Variants in CNKSR1 observed in about 807,000 individuals in gnomAD.
CNKSR1 encodes the protein CNK homolog protein 1.
CNKSR1 carries 88 observed loss-of-function variants against 95.6 expected under a neutral mutation model. The observed-to-expected ratio is 0.92, with a 90% CI of 0.78 to 1.10. The LOEUF (loss-of-function observed/expected upper bound fraction) is 1.10. CNKSR1 is among the 50% of genes least tolerant of loss of function. The pLI, the probability that CNKSR1 is intolerant of heterozygous loss-of-function variation, is 0.00. For synonymous variants in CNKSR1, 355 were observed against 369.7 expected, an observed-to-expected ratio of 0.96 and a Z score of 0.46; for missense variants, 836 against 912.0, an observed-to-expected ratio of 0.92 and a Z score of 1.07.
rs1318483634 is a variant in CNKSR1, at chr1:26,180,590, G to A, written c.190G>A (p.Val64Met). 4 of 1,614,222 alleles carry A rather than the reference G, an allele frequency of 2.5e-6. No individual in the cohort carries two copies. The highest frequency in any genetic ancestry group is 3.4e-6 in the Non-Finnish European group (4 of 1,180,034). ...LGHQELILGG[V>M]EQLQALSSRL... is the part of the protein sequence containing the mutation. ...ACACCAGGAGCTCATCCTGGGCGGG[G>A]TGGAACAGCTCCAGGCCCTGGTGAG... Residue 64 changes from valine to methionine, a missense_variant, in exon 2 of 21, where the codon GTG becomes ATG. Physicochemically the swap from Val to Met is conservative, Grantham distance 21. Coordinates refer to ENST00000361530, the MANE Select transcript of CNKSR1 (RefSeq NM_006314.3).
At chr1:26,183,172 G>A in intron 6 of CNKSR1, 25 bp from the exon 7 acceptor site, 1 of 1,613,570 alleles carries the variant, frequency 6.2e-7, no homozygotes, top group African/African-American at 1.3e-5. Flanking sequence ...CCAGCCCCCG[G>A]TGACTATAGC....
intron 14 of CNKSR1, among the ~76,000 whole-genome samples, chr1:26,186,550 T>C (rs2088754602): frequency 6.6e-6 from 1 of 152,268 alleles, no homozygotes; most frequent in East Asian, 1.9e-4. Flanking sequence ...TCGCAGCTCA[T>C]GGCAACCTTT....
intron 13 of CNKSR1, 118 bp from the exon 14 acceptor site, chr1:26,184,896 C>T: frequency 9.2e-7 from 1 of 1,089,856 alleles, no homozygotes; most frequent in South Asian, 1.5e-5. Context: ...ATGTAGCATT[C>T]TGAGCAGAGT....
At chr1:26,184,739 G>A in intron 13 of CNKSR1, 127 bp downstream of exon 13, 2 of 1,192,372 alleles carry the variant, frequency 1.7e-6, no homozygotes, top group African/African-American at 3.0e-5. Flanking sequence ...CTGTTTCTAG[G>A]GTCAGACAGA....
chr1:26,185,549 C>T (rs533164713), intron 14 of CNKSR1, among the ~76,000 whole-genome samples: 7 of 152,068 alleles, frequency 4.6e-5, no homozygotes, highest in South Asian at 2.1e-4. Context: ...CCCGCCACAA[C>T]GCCCAGCATA....
At chr1:26,184,708 C>G in intron 13 of CNKSR1, 96 bp downstream of exon 13, 2 of 1,391,058 alleles carry the variant, frequency 1.4e-6, no homozygotes, top group East Asian at 2.5e-5. Context: ...CCTTCCCACA[C>G]AGCCTCTCCT....
At position 26,183,431 on chromosome 1, in the gene CNKSR1, A is replaced by C; in HGVS notation, c.753+17A>C. Reference sequence around the variant, plus strand: ...CAGGTGGTGGTGCGTGAGGAGAGGGACATGGTAGGAGGTGAAGGGGTCACC... The same window carrying C: ...CAGGTGGTGGTGCGTGAGGAGAGGGCCATGGTAGGAGGTGAAGGGGTCACC... On this transcript the variant is annotated intron_variant, in intron 8 of 20. Coordinates refer to ENST00000361530, the MANE Select transcript of CNKSR1 (RefSeq NM_006314.3). 1 of 1,613,632 alleles carries C rather than the reference A, an allele frequency of 6.2e-7. No individual in the cohort carries two copies. Among genetic ancestry groups the C allele is most frequent in the African/African-American group, 1.3e-5 (1 of 74,988 alleles).
chr1:26,180,569 C>G lies in CNKSR1; in HGVS notation c.169C>G (p.Gln57Glu). 1 of 1,614,208 alleles carries G rather than the reference C, an allele frequency of 6.2e-7. No homozygotes were observed. Among genetic ancestry groups the G allele is most frequent in the East Asian group, 2.2e-5 (1 of 44,892 alleles). Residue 57 changes from glutamine (Q) to glutamate (E), a missense_variant, in exon 2 of 21, where the codon CAG becomes GAG. By Grantham distance (29) the Gln-to-Glu change is conservative. Transcript: ENST00000361530. ...EALAVRSLGH[Q>E]ELILGGVEQL... is the part of the protein sequence containing the mutation. ...TCTGGCTGTGCGGTCTCTGGGACACCAGGAGCTCATCCTGGGCGGGGTGGA... is the reference window on the plus strand; with the variant it reads ...TCTGGCTGTGCGGTCTCTGGGACACGAGGAGCTCATCCTGGGCGGGGTGGA...
chr1:26,188,809 GC>G lies in CNKSR1; in HGVS notation c.1729del (p.Leu577Ter). The G allele has an allele frequency of 6.2e-7, 1 of 1,612,690 alleles. No individual in the cohort carries two copies. Among genetic ancestry groups the G allele is most frequent in the Non-Finnish European group, 8.5e-7 (1 of 1,179,356 alleles). On this transcript the variant is annotated frameshift_variant, in exon 20 of 21. Transcript: ENST00000361530. LOFTEE classifies it high-confidence loss of function. ...EEALEGMVRG[L>X]RQGGVSLLGQ... Reference sequence around the variant, plus strand: ...AGGCACTGGAAGGAATGGTACGGGGGCTGAGGCAGGGTGGCGTGTCCCTCCT... The same window carrying G: ...AGGCACTGGAAGGAATGGTACGGGGGTGAGGCAGGGTGGCGTGTCCCTCCT...
chr1:26,185,365 G>A (rs1009232831), intron 14 of CNKSR1, among the ~76,000 whole-genome samples, 179 bp downstream of exon 14: 1 of 151,726 alleles, frequency 6.6e-6, no homozygotes. Flanking sequence ...GTTTGGAAAA[G>A]GTATCATAGG....
rs1055257259 is a variant in CNKSR1 at position 26,186,272 on chromosome 1, A to T, written c.1309-896A>T. On this transcript the variant is annotated intron_variant, in intron 14 of 20. Transcript: ENST00000361530. ...TTGGTTTGTGTCTACTGAAGGAACA[A>T]ATGCATGAGCAAGCTCTTCTTGTTT... Among the ~76,000 whole-genome samples the T allele has an allele frequency of 8.5e-5, 13 of 152,212 alleles. 1 individual carries two copies. The highest frequency in any genetic ancestry group is 4.1e-4 in the South Asian group (2 of 4,836).
chr1:26,189,402 G>A lies in CNKSR1; in HGVS notation c.1996G>A (p.Gly666Arg). The change falls in exon 21 of 21, where the codon GGA (glycine) becomes AGA (arginine). Residue 666 changes from glycine (G) to arginine (R), a missense_variant. Transcript: ENST00000361530. ...GTACTCAGAGGGCCTGGGGGCCTGGGGAGTGGCACAGGCTGAAGGCAGCTC... is the reference window on the plus strand; with the variant it reads ...GTACTCAGAGGGCCTGGGGGCCTGGAGAGTGGCACAGGCTGAAGGCAGCTC... ...ELYSEGLGAW[G>R]VAQAEGSSHI... 6.2e-7 allele frequency: 1 copy of A among 1,614,168 alleles called. No homozygotes were observed. Among genetic ancestry groups the A allele is most frequent in the Admixed American group, 1.7e-5 (1 of 60,022 alleles).
chr1:26,185,699 A>T (rs1464407864), intron 14 of CNKSR1, among the ~76,000 whole-genome samples: 1 of 151,110 alleles, frequency 6.6e-6, no homozygotes, highest in Non-Finnish European at 1.5e-5. Flanking sequence ...GCCCTGAAAA[A>T]TCTGGGCAAC....
At position 26,188,497 on chromosome 1, in the gene CNKSR1, A is replaced by G; in HGVS notation, c.1584A>G (p.Ser528=). 1 of 1,603,260 alleles carries G rather than the reference A, an allele frequency of 6.2e-7. No homozygotes were observed. The highest frequency in any genetic ancestry group is 8.5e-7 in the Non-Finnish European group (1 of 1,175,212). The part of the protein sequence containing the change: ...EDPDDEAGSH[S]ASPSPAQAGS... ...CGGACGATGAGGCTGGGTCCCACTC[A>G]GCCTCGGTGAGTGGGGGGCTGCCGG... Residue 528 remains serine (S), a synonymous_variant, in exon 18 of 21, where the codon TCA becomes TCG. Transcript: ENST00000361530.
chr1:26,178,415 G>A (rs1235100901), intron 1 of CNKSR1, among the ~76,000 whole-genome samples: 1 of 152,178 alleles, frequency 6.6e-6, no homozygotes, highest in Non-Finnish European at 1.5e-5. Flanking sequence ...CCACCCTGGG[G>A]CTCCTATCCA....
In CNKSR1 at chr1:26,184,521, C is replaced by T. The variant is rs748271342; in HGVS notation, c.1107+14C>T. 9 of 1,607,522 alleles carry T rather than the reference C, an allele frequency of 5.6e-6. No individual in the cohort carries two copies. Among genetic ancestry groups the T allele is most frequent in the Non-Finnish European group, 6.8e-6 (8 of 1,176,638 alleles). ...TCCCCTGACAAGGTAAGCTCAGGGGCTTAGCAAGGGGGTGGGTGGGTCTGG... is the reference window on the plus strand; with the variant it reads ...TCCCCTGACAAGGTAAGCTCAGGGGTTTAGCAAGGGGGTGGGTGGGTCTGG... On this transcript the variant is annotated intron_variant, in intron 12 of 20. Coordinates refer to ENST00000361530, the MANE Select transcript of CNKSR1 (RefSeq NM_006314.3).
In CNKSR1 at chr1:26,188,523, G is replaced by T. The variant is rs747845809; in HGVS notation, c.1590+20G>T. 1.2e-6 allele frequency: 2 copies of T among 1,603,778 alleles called. No homozygotes were observed. The highest frequency in any genetic ancestry group is 2.2e-5 in the South Asian group (2 of 89,610). The stretch of plus-strand genomic sequence containing the variant: ...GCCTCGGTGAGTGGGGGGCTGCCGG[G>T]GGTAGGAGGTGGGGATAAACAACAG... On this transcript the variant is annotated intron_variant, in intron 18 of 20. Coordinates refer to ENST00000361530, the MANE Select transcript of CNKSR1 (RefSeq NM_006314.3).
At chr1:26,185,547 A>C (rs1209102559) in intron 14 of CNKSR1, among the ~76,000 whole-genome samples, 1 of 151,742 alleles carries the variant, frequency 6.6e-6, no homozygotes, top group Admixed American at 6.6e-5. Flanking sequence ...CGCCCGCCAC[A>C]ACGCCCAGCA....
rs920352023 is a variant in CNKSR1, at chr1:26,187,163, C to T, written c.1309-5C>T. 3 of 1,613,442 alleles carry T rather than the reference C, an allele frequency of 1.9e-6. No homozygotes were observed. The highest frequency in any genetic ancestry group is 2.5e-6 in the Non-Finnish European group (3 of 1,179,494). On this transcript the variant is annotated splice_polypyrimidine_tract_variant and splice_region_variant and intron_variant, in intron 14 of 20. Coordinates refer to ENST00000361530, the MANE Select transcript of CNKSR1 (RefSeq NM_006314.3). The stretch of plus-strand genomic sequence containing the variant: ...AACCTGACCCTCATGCTGTGATCCC[C>T]CCAGGATGAGAAGGCTGAGGGCCTC...
Sources: allele counts gnomAD v4.1 joint callset (sites outside exome capture counted in the v4.1 genomes callset), GRCh38; gene constraint gnomAD v4.1.1; transcripts MANE v1.5; gene names NCBI Gene and HGNC (gene_info 2026-07-23, HGNC 2026-07-21).